Variants in UBE2E2 observed in about 807,000 individuals in gnomAD.
The protein encoded by UBE2E2 is ubiquitin-conjugating enzyme E2 E2.
UBE2E2 carries 6 observed loss-of-function variants against 24.7 expected under a neutral mutation model. The ratio of observed to expected loss-of-function variants is 0.24; its 90% confidence interval spans 0.13 to 0.48. The LOEUF is 0.48. Among genes scored for constraint, UBE2E2 ranks in the 20% least tolerant of loss-of-function variants. The pLI, the probability that UBE2E2 is intolerant of heterozygous loss-of-function variation, is 0.99. For synonymous variants in UBE2E2, 104 were observed against 83.6 expected, an observed-to-expected ratio of 1.24 and a Z score of -1.33; for missense variants, 169 against 245.0, an observed-to-expected ratio of 0.69 and a Z score of 2.07.
At chr3:23,422,862 A>G (rs2125392900) in intron 3 of UBE2E2, among the ~76,000 whole-genome samples, 1 of 152,204 alleles carries the variant, frequency 6.6e-6, no homozygotes, top group South Asian at 2.1e-4. Flanking sequence ...GTAAGATGAC[A>G]TTTCAAGTTC....
intron 3 of UBE2E2, among the ~76,000 whole-genome samples, chr3:23,310,623 C>A (rs1267323699): frequency 2.0e-5 from 3 of 152,100 alleles, no homozygotes; most frequent in Non-Finnish European, 2.9e-5. Flanking sequence ...ATGGCTTCTA[C>A]CTGTAATCTC....
At chr3:23,324,905 A>G (rs764840374) in intron 3 of UBE2E2, among the ~76,000 whole-genome samples, 72 of 152,276 alleles carry the variant, frequency 4.7e-4, no homozygotes, top group Admixed American at 5.9e-4. Context: ...TGTGAATTAC[A>G]GGAAGTGACA....
chr3:23,250,417 T>G (rs1697540974), intron 3 of UBE2E2, among the ~76,000 whole-genome samples: 1 of 152,234 alleles, frequency 6.6e-6, no homozygotes, highest in South Asian at 2.1e-4. Flanking sequence ...TATTAGAGGT[T>G]GTTTTATGAA....
At position 23,407,339 on chromosome 3, in the gene UBE2E2, A is replaced by G. The variant is rs760810975; in HGVS notation, c.228-92269A>G. On this transcript the variant is annotated intron_variant, in intron 3 of 5. Transcript: ENST00000396703. The surrounding 1 kb of genome is among the most constrained non-coding windows in gnomAD (Gnocchi z 4.0). Reference sequence around the variant, plus strand: ...TAGTCTAGCTGCTACACAGCTGCTTAGTTCTGGTTCTGTGACCTTAGCTAA... The same window carrying G: ...TAGTCTAGCTGCTACACAGCTGCTTGGTTCTGGTTCTGTGACCTTAGCTAA... 9.2e-5 allele frequency among the ~76,000 whole-genome samples: 14 copies of G among 152,192 alleles called. No homozygotes were observed. Among genetic ancestry groups the G allele is most frequent in the Non-Finnish European group, 1.9e-4 (13 of 68,040 alleles).
intron 4 of UBE2E2, among the ~76,000 whole-genome samples, chr3:23,529,065 G>A (rs1212502412): frequency 6.6e-6 from 1 of 152,266 alleles, no homozygotes; most frequent in Non-Finnish European, 1.5e-5. Flanking sequence ...CCTACTATAC[G>A]ATTCCATTTA....
intron 4 of UBE2E2, among the ~76,000 whole-genome samples, chr3:23,502,380 T>C (rs1699743748): frequency 6.6e-6 from 1 of 152,162 alleles, no homozygotes; most frequent in Admixed American, 6.5e-5. Flanking sequence ...GGCTATCTGA[T>C]GGTTATTTGT....
intron 3 of UBE2E2, among the ~76,000 whole-genome samples, chr3:23,403,834 T>C (rs922969603): frequency 6.8e-6 from 1 of 147,192 alleles, no homozygotes; most frequent in African/African-American, 2.5e-5. Flanking sequence ...AAAGCCATTG[T>C]AGGATAGTAG....
chr3:23,343,723 C>T (rs145619575), intron 3 of UBE2E2, among the ~76,000 whole-genome samples: 2 of 152,266 alleles, frequency 1.3e-5, no homozygotes, highest in East Asian at 3.9e-4. Flanking sequence ...CCAAGGAGAC[C>T]TCGTGCCTCC....
intron 3 of UBE2E2, among the ~76,000 whole-genome samples, chr3:23,225,677 C>T (rs1185627605): frequency 6.6e-6 from 1 of 152,272 alleles, no homozygotes; most frequent in East Asian, 1.9e-4. Flanking sequence ...ATGTCAGTAA[C>T]ATACTGTCTT....
chr3:23,412,816 A>G (rs1697523995), intron 3 of UBE2E2, among the ~76,000 whole-genome samples: 1 of 152,188 alleles, frequency 6.6e-6, no homozygotes, highest in African/African-American at 2.4e-5. Flanking sequence ...CATTTACAGA[A>G]TTAACAACTT....
rs144884354 is a variant in UBE2E2 at position 23,529,518 on chromosome 3, A to T, written c.361-3036A>T. Reference sequence around the variant, plus strand: ...GAGACAAACCGTAGGCTTTTGGATCAGCACAATTGTGTTCAAATTCTGGCT... The same window carrying T: ...GAGACAAACCGTAGGCTTTTGGATCTGCACAATTGTGTTCAAATTCTGGCT... On this transcript the variant is annotated intron_variant, in intron 4 of 5. Transcript: ENST00000396703. 3.9e-5 allele frequency among the ~76,000 whole-genome samples: 6 copies of T among 152,368 alleles called. No homozygotes were observed. The East Asian group carries it at 1.2e-3, about 29-fold the overall frequency.
At chr3:23,207,270 T>C (rs1696175255) in intron 1 of UBE2E2, among the ~76,000 whole-genome samples, 1 of 152,180 alleles carries the variant, frequency 6.6e-6, no homozygotes, top group Non-Finnish European at 1.5e-5. Flanking sequence ...TCCTTTTCAC[T>C]TACTGGAATT....
chr3:23,316,371 G>A (rs866824652), intron 3 of UBE2E2, among the ~76,000 whole-genome samples: 1 of 151,974 alleles, frequency 6.6e-6, no homozygotes, highest in African/African-American at 2.4e-5. Flanking sequence ...CCCAGGCAGA[G>A]GAGTCTCTCC....
chr3:23,579,731 C>T (rs1696433614), intron 5 of UBE2E2, among the ~76,000 whole-genome samples: 1 of 152,018 alleles, frequency 6.6e-6, no homozygotes, highest in East Asian at 1.9e-4. Context: ...ATACTATTTC[C>T]TAAGGCTATA....
chr3:23,237,978 A>G (rs936702149), intron 3 of UBE2E2, among the ~76,000 whole-genome samples: 3 of 152,016 alleles, frequency 2.0e-5, no homozygotes, highest in Non-Finnish European at 4.4e-5. Context: ...GTCTTTTTTG[A>G]TGATGCAGCT....
At chr3:23,432,068 G>C (rs766583460) in intron 3 of UBE2E2, among the ~76,000 whole-genome samples, 3 of 152,112 alleles carry the variant, frequency 2.0e-5, no homozygotes, top group Non-Finnish European at 2.9e-5. Flanking sequence ...AGAAAATTTG[G>C]ATAAATGTTC....
At chr3:23,493,616 A>G (rs548260634) in intron 3 of UBE2E2, among the ~76,000 whole-genome samples, 1 of 152,236 alleles carries the variant, frequency 6.6e-6, no homozygotes, top group Non-Finnish European at 1.5e-5. Context: ...ACATTACTTA[A>G]TAACCTAATA....
At chr3:23,419,943 C>T (rs887690296) in intron 3 of UBE2E2, among the ~76,000 whole-genome samples, 4 of 152,148 alleles carry the variant, frequency 2.6e-5, no homozygotes, top group African/African-American at 7.2e-5. Flanking sequence ...TCAAAACCAG[C>T]AGTTACTACT....
chr3:23,468,542 C>T (rs1366438972), intron 3 of UBE2E2, among the ~76,000 whole-genome samples: 1 of 152,140 alleles, frequency 6.6e-6, no homozygotes, highest in Admixed American at 6.6e-5. Flanking sequence ...ACTAACTACC[C>T]AGTAATGGAA....
Sources: allele counts gnomAD v4.1 joint callset (sites outside exome capture counted in the v4.1 genomes callset), GRCh38; gene constraint gnomAD v4.1.1; non-coding constraint Gnocchi (gnomAD v3.1); transcripts MANE v1.5; gene names NCBI Gene and HGNC (gene_info 2026-07-23, HGNC 2026-07-21).